The following SORCS2 variants were observed in gnomAD, a reference collection of about 807,000 sequenced individuals.
SORCS2 encodes sortilin related VPS10 domain containing receptor 2.
SORCS2 carries 100 observed loss-of-function variants against 141.6 expected under a neutral mutation model. The ratio of observed to expected loss-of-function variants is 0.71; its 90% confidence interval spans 0.60 to 0.83. The LOEUF (loss-of-function observed/expected upper bound fraction) is 0.83. Among genes scored for constraint, SORCS2 ranks in the 40% least tolerant of loss-of-function variants. The pLI is 0.00. For synonymous variants in SORCS2, 789 were observed against 676.9 expected, an observed-to-expected ratio of 1.17 and a Z score of -2.57; for missense variants, 1,646 against 1,560.2, an observed-to-expected ratio of 1.05 and a Z score of -0.93.
At chr4:7,597,883 T>C (rs1717391080) in intron 3 of SORCS2, among the ~76,000 whole-genome samples, 1 of 150,708 alleles carries the variant, frequency 6.6e-6, no homozygotes, top group Admixed American at 6.6e-5. Context: ...TGCTCTGTGG[T>C]CAGCGGATTC....
chr4:7,673,047 C>T (rs1029412423), intron 8 of SORCS2, among the ~76,000 whole-genome samples: 1 of 152,220 alleles, frequency 6.6e-6, no homozygotes, highest in Non-Finnish European at 1.5e-5. Context: ...TTACATCCTT[C>T]ATGTAAAAAT....
Position 7,208,296 on chromosome 4 carries a change from C to T in SORCS2, c.480+15170C>T, listed in dbSNP as rs945060374. Among the ~76,000 whole-genome samples the T allele has an allele frequency of 2.6e-5, 4 of 152,190 alleles. No homozygotes were observed. The East Asian group carries it at 7.7e-4, about 29-fold the overall frequency. ...GGACTGAACTCGCCTTGCCCCCAGC[C>T]CTCCAGCCCCCACAGGGTTTCTACT... is the stretch of plus-strand genomic sequence containing the variant. On this transcript the variant is annotated intron_variant, in intron 1 of 26. Transcript: ENST00000507866.
In SORCS2 at chr4:7,251,679, G is replaced by A. The variant is rs59138913; in HGVS notation, c.480+58553G>A. Among the ~76,000 whole-genome samples the A allele has an allele frequency of 8.8e-3, 1,339 of 152,288 alleles. 21 individuals are homozygous for A. Among genetic ancestry groups the A allele is most frequent in the African/African-American group, 0.031 (1,274 of 41,570 alleles). ...GATCTGCCACACTCCCAGGCATCACGTCTGCATTCCAGGCAGGAAGAAGGG... is the reference window on the plus strand; with the variant it reads ...GATCTGCCACACTCCCAGGCATCACATCTGCATTCCAGGCAGGAAGAAGGG... On this transcript the variant is annotated intron_variant, in intron 1 of 26. Coordinates refer to ENST00000507866, the MANE Select transcript of SORCS2 (RefSeq NM_020777.3).
chr4:7,203,326 A>G (rs1454802154), intron 1 of SORCS2, among the ~76,000 whole-genome samples: 1 of 152,284 alleles, frequency 6.6e-6, no homozygotes, highest in African/African-American at 2.4e-5. Flanking sequence ...TGGAAGGCTG[A>G]GGCAGAAGAA....
intron 3 of SORCS2, among the ~76,000 whole-genome samples, chr4:7,589,979 A>T (rs1716806110): frequency 6.6e-6 from 1 of 152,152 alleles, no homozygotes; most frequent in African/African-American, 2.4e-5. Context: ...TGGCGGGGCT[A>T]TTGGAGCAGC....
At chr4:7,607,566 A>G (rs1191853453) in intron 3 of SORCS2, among the ~76,000 whole-genome samples, 1 of 152,126 alleles carries the variant, frequency 6.6e-6, no homozygotes. Flanking sequence ...GTCAATAATT[A>G]ATAACAATTT....
At chr4:7,382,874 A>G (rs945458622) in intron 1 of SORCS2, among the ~76,000 whole-genome samples, 1 of 152,188 alleles carries the variant, frequency 6.6e-6, no homozygotes, top group African/African-American at 2.4e-5. Flanking sequence ...GGGTCCGCAC[A>G]ACATCAACGG....
chr4:7,452,943 TCAGG>T (rs1728572455), intron 2 of SORCS2, among the ~76,000 whole-genome samples: 1 of 116,398 alleles, frequency 8.6e-6, no homozygotes, highest in Non-Finnish European at 1.7e-5. Context: ...TGTGTTGGGG[TCAGG>T]TGCTGTGTGT....
At chr4:7,661,473 A>G (rs1378225441) in intron 5 of SORCS2, 27 bp from the exon 6 acceptor site, 33 of 1,550,564 alleles carry the variant, frequency 2.1e-5, no homozygotes, top group Non-Finnish European at 2.9e-5. Context: ...TCCATTCCCG[A>G]CCCCAGCCTC....
intron 1 of SORCS2, among the ~76,000 whole-genome samples, chr4:7,204,020 T>G (rs1462862042): frequency 6.6e-6 from 1 of 152,218 alleles, no homozygotes; most frequent in Non-Finnish European, 1.5e-5. Flanking sequence ...CTGAGTAATA[T>G]TCCACTGTAT....
At chr4:7,347,365 C>A (rs140748579) in intron 1 of SORCS2, among the ~76,000 whole-genome samples, 1 of 152,244 alleles carries the variant, frequency 6.6e-6, no homozygotes, top group East Asian at 1.9e-4. Context: ...CCATGGGCCA[C>A]GCCTCGTGCC....
chr4:7,303,453 T>C (rs1717580170), intron 1 of SORCS2, among the ~76,000 whole-genome samples: 1 of 152,222 alleles, frequency 6.6e-6, no homozygotes, highest in Non-Finnish European at 1.5e-5. Context: ...CCTTTTTAGT[T>C]CTTGAGATGC....
rs1712026705 is a variant in SORCS2 at position 7,233,199 on chromosome 4, A to T, written c.480+40073A>T. Among the ~76,000 whole-genome samples, 1 of 152,130 alleles carries T rather than the reference A, an allele frequency of 6.6e-6. No individual in the cohort carries two copies. The highest frequency in any genetic ancestry group is 1.5e-5 in the Non-Finnish European group (1 of 68,008). On this transcript the variant is annotated intron_variant, in intron 1 of 26. Transcript: ENST00000507866. This position sits in a 1 kb window ranked among gnomAD's most constrained non-coding sequence, Gnocchi z 4.5. The stretch of plus-strand genomic sequence containing the variant: ...CTGCAGGCAGCAGGAACGGCACGGC[A>T]GAGGGAGCCTTCCAGAGCAGGGGGA...
intron 2 of SORCS2, among the ~76,000 whole-genome samples, chr4:7,437,142 C>A (rs1467248410): frequency 6.6e-6 from 1 of 152,130 alleles, no homozygotes; most frequent in African/African-American, 2.4e-5. Context: ...AGGGCTCAGC[C>A]CCCACTGTAG....
rs75593338 is a variant in SORCS2, at chr4:7,275,524, C to A, written c.480+82398C>A. Among the ~76,000 whole-genome samples, 1,669 of 152,230 alleles carry A rather than the reference C, an allele frequency of 0.011. 86 individuals are homozygous for A. The East Asian group carries it at 0.14, about 13-fold the overall frequency. ...GGGCGACTTTGTAGAGGCTGAATGTCCCCAGGCTGAGAGGCCTTGGGTCAA... is the reference window on the plus strand; with the variant it reads ...GGGCGACTTTGTAGAGGCTGAATGTACCCAGGCTGAGAGGCCTTGGGTCAA... On this transcript the variant is annotated intron_variant, in intron 1 of 26. Coordinates refer to ENST00000507866, the MANE Select transcript of SORCS2 (RefSeq NM_020777.3).
chr4:7,696,351 A>T (rs1724707992), intron 11 of SORCS2, among the ~76,000 whole-genome samples: 1 of 152,200 alleles, frequency 6.6e-6, no homozygotes. Context: ...CTGTCTCATC[A>T]GAAATCCTTT....
intron 1 of SORCS2, among the ~76,000 whole-genome samples, chr4:7,204,481 G>C (rs937079705): frequency 1.3e-5 from 2 of 152,172 alleles, no homozygotes; most frequent in Non-Finnish European, 2.9e-5. Flanking sequence ...GCCTCCAAAA[G>C]TGTTGAGATT....
chr4:7,664,492 T>C lies in SORCS2; in HGVS notation c.1071+21T>C. On this transcript the variant is annotated intron_variant, in intron 7 of 26. Coordinates refer to ENST00000507866, the MANE Select transcript of SORCS2 (RefSeq NM_020777.3). This position sits in a 1 kb window ranked among gnomAD's most constrained non-coding sequence, Gnocchi z 4.7. ...TTAAGGTAAGGTTGCTTCTGGGGCT[T>C]TTGGAAATTGGCAACAGGTGACGTG... 1 of 1,552,782 alleles carries C rather than the reference T, an allele frequency of 6.4e-7. No homozygotes were observed. Among genetic ancestry groups the C allele is most frequent in the Admixed American group, 1.9e-5 (1 of 53,094 alleles).
In SORCS2 at chr4:7,433,789, C is replaced by T. The variant is rs201866250; in HGVS notation, c.548+37434C>T. 2.4e-3 allele frequency: 3,802 copies of T among 1,613,586 alleles called. 4 individuals are homozygous for T. The highest frequency in any genetic ancestry group is 3.0e-3 in the Non-Finnish European group (3,535 of 1,179,774). On this transcript the variant is annotated intron_variant, in intron 2 of 26. Coordinates refer to ENST00000507866, the MANE Select transcript of SORCS2 (RefSeq NM_020777.3). ...GGCCCGCCTCCGGTTGCCACACAGA[C>T]GGATGAACTTGCACACCTTCTCTGG...
Sources: gnomAD v4.1 joint callset for allele counts (sites outside exome capture counted in the v4.1 genomes callset) on GRCh38, gnomAD v4.1.1 for gene constraint, Gnocchi (gnomAD v3.1) non-coding constraint, MANE v1.5 for transcripts, NCBI Gene and HGNC (gene_info 2026-07-23, HGNC 2026-07-21) for gene names.